Variants in TRAPPC9 observed in about 807,000 individuals in gnomAD.
TRAPPC9 encodes the protein trafficking protein particle complex subunit 9.
A neutral mutation model predicts 124.0 loss-of-function variants in TRAPPC9; 83 were observed. That is an observed-to-expected ratio of 0.67 (90% CI 0.56 to 0.80). The LOEUF (loss-of-function observed/expected upper bound fraction) is 0.80. Among genes scored for constraint, TRAPPC9 ranks in the 30% least tolerant of loss-of-function variants. TRAPPC9 has a pLI of 0.00. For synonymous variants in TRAPPC9, 638 were observed against 617.5 expected (o/e 1.03, Z -0.49); for missense variants, 1,302 against 1,508.3 (o/e 0.86, Z 2.27).
At chr8:139,997,945 C>T (rs1706147858) in intron 18 of TRAPPC9, among the ~76,000 whole-genome samples, 1 of 139,398 alleles carries the variant, frequency 7.2e-6, no homozygotes, top group Non-Finnish European at 1.5e-5. Flanking sequence ...ATGCATCCCA[C>T]ACAGGGAGAC....
chr8:140,274,419 G>C (rs1477617283), intron 15 of TRAPPC9, among the ~76,000 whole-genome samples: 1 of 152,216 alleles, frequency 6.6e-6, no homozygotes, highest in African/African-American at 2.4e-5. Flanking sequence ...TAGAGGACAA[G>C]CCTGGGTCCC....
intron 17 of TRAPPC9, among the ~76,000 whole-genome samples, chr8:140,129,005 T>TA (rs778829123): frequency 0.013 from 1,761 of 134,702 alleles, 8 homozygotes; most frequent in African/African-American, 0.016. Context: ...ATATATATAT[T>TA]AAAAAAAAAA....
chr8:139,984,389 C>A lies in TRAPPC9; in HGVS notation c.2810+4337G>T, dbSNP rs1415139363. 6.6e-6 allele frequency among the ~76,000 whole-genome samples: 1 copy of A among 152,264 alleles called. No individual in the cohort carries two copies. Among genetic ancestry groups the A allele is most frequent in the Middle Eastern group, 3.4e-3 (1 of 294 alleles). On this transcript the variant is annotated intron_variant, in intron 19 of 22. Coordinates refer to ENST00000438773, the MANE Select transcript of TRAPPC9 (RefSeq NM_001160372.4). This position sits in a 1 kb window ranked among gnomAD's most constrained non-coding sequence, Gnocchi z 4.3. ...CACCTCCAGGCAGAGCCCATGCCCT[C>A]CCCACTCCAGAGGGCAGATCGCAGG...
At chr8:140,159,074 C>T (rs938007408) in intron 17 of TRAPPC9, among the ~76,000 whole-genome samples, 3 of 152,146 alleles carry the variant, frequency 2.0e-5, no homozygotes, top group Non-Finnish European at 4.4e-5. Context: ...GGGACGGACC[C>T]GGGAAGTGGA....
intron 19 of TRAPPC9, among the ~76,000 whole-genome samples, chr8:139,970,760 G>A (rs1185817629): frequency 6.6e-6 from 1 of 152,178 alleles, no homozygotes; most frequent in African/African-American, 2.4e-5. Flanking sequence ...GGCTGTGGCA[G>A]GGGTAGAGTC....
At chr8:140,174,454 T>G (rs1304577755) in intron 17 of TRAPPC9, among the ~76,000 whole-genome samples, 1 of 152,214 alleles carries the variant, frequency 6.6e-6, no homozygotes, top group Non-Finnish European at 1.5e-5. Flanking sequence ...GGTATACAAC[T>G]CAGTGACTTT....
Position 140,104,707 on chromosome 8 carries a change from G to C in TRAPPC9, c.2557-80628C>G, listed in dbSNP as rs919807960. ...CCCTCCTGGGGGTGCCATTCCCCCAGCCCAGGCACCAGGCCCGGACCAGCT... is the reference window on the plus strand; with the variant it reads ...CCCTCCTGGGGGTGCCATTCCCCCACCCCAGGCACCAGGCCCGGACCAGCT... On this transcript the variant is annotated intron_variant, in intron 17 of 22. Transcript: ENST00000438773. This position sits in a 1 kb window ranked among gnomAD's most constrained non-coding sequence, Gnocchi z 4.0. Among the ~76,000 whole-genome samples, 20 of 152,134 alleles carry C rather than the reference G, an allele frequency of 1.3e-4. No individual in the cohort carries two copies. The highest frequency in any genetic ancestry group is 2.9e-4 in the Non-Finnish European group (20 of 67,994).
chr8:140,329,450 C>T (rs954638079), intron 9 of TRAPPC9, among the ~76,000 whole-genome samples: 1 of 152,196 alleles, frequency 6.6e-6, no homozygotes, highest in African/African-American at 2.4e-5. Context: ...GCATTTCAAG[C>T]ACACACGACA....
intron 19 of TRAPPC9, chr8:139,933,679 T>C (rs1322776867): frequency 6.6e-6 from 1 of 152,266 alleles, no homozygotes; most frequent in Non-Finnish European, 1.5e-5. Context: ...TTGCTCAGCA[T>C]TTTTGTCATC....
In TRAPPC9 at chr8:140,140,656, G is replaced by T. The variant is rs139496207; in HGVS notation, c.2556+80803C>A. ...TGTCCCACTGCCTTTCTGCCTCCCA[G>T]ATCTTGCCACATTACCCACATAGCT... On this transcript the variant is annotated intron_variant, in intron 17 of 22. Transcript: ENST00000438773. Among the ~76,000 whole-genome samples the T allele has an allele frequency of 7.9e-5, 12 of 152,252 alleles. No homozygotes were observed. The Middle Eastern group carries it at 0.01, about 129-fold the overall frequency.
rs189480561 is a variant in TRAPPC9, at chr8:140,409,152, A to T, written c.887-3454T>A. ...AAACACAACTAAAAATCCAACAGAA[A>T]AAAAAAATGGCCAAAAGATTTGGGC... On this transcript the variant is annotated intron_variant, in intron 5 of 22. Transcript: ENST00000438773. 7.2e-5 allele frequency among the ~76,000 whole-genome samples: 11 copies of T among 152,328 alleles called. No individual in the cohort carries two copies. The East Asian group carries it at 1.5e-3, about 21-fold the overall frequency.
chr8:139,994,240 T>C (rs1400964537), intron 18 of TRAPPC9, among the ~76,000 whole-genome samples: 1 of 152,248 alleles, frequency 6.6e-6, no homozygotes, highest in African/African-American at 2.4e-5. Context: ...GGCATGTTGC[T>C]GTGCGTCGCT....
intron 17 of TRAPPC9, among the ~76,000 whole-genome samples, chr8:140,158,936 T>C (rs2130877301): frequency 6.6e-6 from 1 of 152,370 alleles, no homozygotes; most frequent in African/African-American, 2.4e-5. Context: ...TAGATGCATG[T>C]ATGTATTCAT....
intron 19 of TRAPPC9, among the ~76,000 whole-genome samples, chr8:139,978,002 G>T (rs1030072621): frequency 6.6e-6 from 1 of 151,770 alleles, no homozygotes; most frequent in Non-Finnish European, 1.5e-5. Flanking sequence ...ATTTAATGAG[G>T]ACTAAAAAAA....
At chr8:140,317,160 C>G (rs1240910175) in intron 9 of TRAPPC9, among the ~76,000 whole-genome samples, 1 of 152,012 alleles carries the variant, frequency 6.6e-6, no homozygotes, top group Non-Finnish European at 1.5e-5. Flanking sequence ...AACACCAGCT[C>G]TTCATTTCAT....
chr8:139,872,290 G>A (rs534478539), intron 21 of TRAPPC9, among the ~76,000 whole-genome samples: 7 of 150,812 alleles, frequency 4.6e-5, no homozygotes, highest in Admixed American at 1.3e-4. Flanking sequence ...ATGGATGGGC[G>A]GGCTGGTAGA....
intron 17 of TRAPPC9, among the ~76,000 whole-genome samples, chr8:140,213,479 T>C (rs546208171): frequency 6.6e-6 from 1 of 152,366 alleles, no homozygotes; most frequent in Non-Finnish European, 1.5e-5. Context: ...TCTCCAAAAA[T>C]AAGCTTTTGG....
chr8:140,036,148 C>T (rs1242055610), intron 17 of TRAPPC9, among the ~76,000 whole-genome samples: 2 of 152,074 alleles, frequency 1.3e-5, no homozygotes, highest in Non-Finnish European at 2.9e-5. Flanking sequence ...CAGAGGGGAC[C>T]CACGCCTGTG....
intron 19 of TRAPPC9, among the ~76,000 whole-genome samples, chr8:139,975,090 C>T (rs1225530405): frequency 3.9e-5 from 6 of 152,112 alleles, no homozygotes; most frequent in East Asian, 3.9e-4. Flanking sequence ...GAAGGGACAG[C>T]GGTGATTATG....
Sources: gnomAD v4.1 joint callset for allele counts (sites outside exome capture counted in the v4.1 genomes callset) on GRCh38, gnomAD v4.1.1 for gene constraint, Gnocchi (gnomAD v3.1) non-coding constraint, MANE v1.5 for transcripts, NCBI Gene and HGNC (gene_info 2026-07-23, HGNC 2026-07-21) for gene names.